ZNF236: variants seen among roughly 807,000 people sequenced by gnomAD.
ZNF236 encodes zinc finger protein 236.
ZNF236 carries 50 observed loss-of-function variants against 191.2 expected under a neutral mutation model. The ratio of observed to expected loss-of-function variants is 0.26; its 90% confidence interval spans 0.21 to 0.33. ZNF236 has a LOEUF of 0.33. ZNF236 is among the 10% of genes least tolerant of loss of function. ZNF236 has a pLI of 1.00. For missense variants in ZNF236, 1,754 were observed against 2,374.5 expected (o/e 0.74, Z 5.43); for synonymous variants, 907 against 928.8 (o/e 0.98, Z 0.43).
At chr18:76,823,041 G>T (rs1974906992) in intron 1 of ZNF236, among the ~76,000 whole-genome samples, 1 of 149,496 alleles carries the variant, frequency 6.7e-6, no homozygotes, top group South Asian at 2.1e-4. Context: ...GGGGCCGGAG[G>T]GCCGCGGGGC....
Position 76,827,240 on chromosome 18 carries a change from C to T in ZNF236, c.55+4578C>T, listed in dbSNP as rs575918516. 1.2e-4 allele frequency among the ~76,000 whole-genome samples: 19 copies of T among 152,086 alleles called. No individual in the cohort carries two copies. In the South Asian group the frequency reaches 3.7e-3, roughly 30 times the overall value. On this transcript the variant is annotated intron_variant, in intron 1 of 30. Coordinates refer to ENST00000320610, the MANE Select transcript of ZNF236 (RefSeq NM_001306089.2). Reference sequence around the variant, plus strand: ...TGCCCTTTTTGCCCAGGCTGGAGTGCAGTGGCTTGATCTCGGCTCACTGCA... The same window carrying T: ...TGCCCTTTTTGCCCAGGCTGGAGTGTAGTGGCTTGATCTCGGCTCACTGCA...
At position 76,959,813 on chromosome 18, in the gene ZNF236, A is replaced by G; in HGVS notation, c.5239A>G (p.Thr1747Ala). The part of the protein sequence containing the change: ...SQLERHSRIH[T>A]GERPFHCTLC... ...GCTGGAGCGCCACAGCCGCATACAT[A>G]CAGGTAACGGGGAAGGACGTGCTTT... Residue 1747 changes from threonine (T) to alanine (A), a missense_variant, in exon 29 of 31, where the codon ACA becomes GCA. Thr to Ala is a moderately conservative substitution (Grantham distance 58). Around this residue, in one of 5 missense-constraint regions of ZNF236, gnomAD observed 606 missense variants for 761.5 expected, o/e 0.80. Coordinates refer to ENST00000320610, the MANE Select transcript of ZNF236 (RefSeq NM_001306089.2). The G allele has an allele frequency of 6.2e-7, 1 of 1,613,632 alleles. No individual in the cohort carries two copies. Among genetic ancestry groups the G allele is most frequent in the Non-Finnish European group, 8.5e-7 (1 of 1,179,784 alleles).
chr18:76,957,970 A>G (rs1968561883), intron 28 of ZNF236, among the ~76,000 whole-genome samples: 1 of 152,242 alleles, frequency 6.6e-6, no homozygotes, highest in Admixed American at 6.5e-5. Flanking sequence ...ACAGCAAAAT[A>G]AACTATCAGC....
At chr18:76,947,447 C>T in intron 26 of ZNF236, 74 bp from the exon 27 acceptor site, 1 of 1,539,366 alleles carries the variant, frequency 6.5e-7, no homozygotes, top group Non-Finnish European at 8.8e-7. Context: ...GTAGCTGCAC[C>T]ATAAAAGATC....
rs775736554 is a variant in ZNF236, at chr18:76,881,493, G to T, written c.1398G>T (p.Lys466Asn). 3 of 1,612,082 alleles carry T rather than the reference G, an allele frequency of 1.9e-6. No homozygotes were observed. Among genetic ancestry groups the T allele is most frequent in the East Asian group, 2.2e-5 (1 of 44,878 alleles). ...LDKKEKKMIKKKSPFLPGSIR... is the reference protein window; with the variant it reads ...LDKKEKKMIKNKSPFLPGSIR... ...AAAAAGAAAAAAAAATGATAAAGAA[G>T]AAGTCACCGTTTCTACCTGGTAATT... is the stretch of plus-strand genomic sequence containing the variant. Residue 466 changes from lysine (K) to asparagine (N), a missense_variant, in exon 9 of 31, where the codon AAG becomes AAT. Around this residue, in one of 5 missense-constraint regions of ZNF236, gnomAD observed 126 missense variants for 110.9 expected, o/e 1.14. Transcript: ENST00000320610.
At chr18:76,915,944 G>C in intron 19 of ZNF236, 85 bp downstream of exon 19, 1 of 1,316,430 alleles carries the variant, frequency 7.6e-7, no homozygotes. Flanking sequence ...TGAGTATTTT[G>C]ACGTGGCTAT....
At chr18:76,846,938 G>A (rs959671825) in intron 1 of ZNF236, among the ~76,000 whole-genome samples, 1 of 152,044 alleles carries the variant, frequency 6.6e-6, no homozygotes, top group Admixed American at 6.5e-5. Flanking sequence ...GGGATTACAG[G>A]CGTGCGCCAT....
intron 11 of ZNF236, among the ~76,000 whole-genome samples, chr18:76,902,744 T>A (rs1977633043): frequency 6.7e-6 from 1 of 148,592 alleles, no homozygotes; most frequent in African/African-American, 2.4e-5. Context: ...GTAATTTTTG[T>A]ATTTTTTGTA....
intron 12 of ZNF236, among the ~76,000 whole-genome samples, 168 bp from the exon 13 acceptor site, chr18:76,904,987 C>CT (rs777634786): frequency 6.6e-6 from 1 of 152,240 alleles, no homozygotes; most frequent in Admixed American, 6.5e-5. Flanking sequence ...CTTAAGCACT[C>CT]TGAGTCTCAG....
chr18:76,892,153 GAA>G (rs1977257691), intron 9 of ZNF236, among the ~76,000 whole-genome samples: 1 of 59,670 alleles, frequency 1.7e-5, no homozygotes, highest in African/African-American at 5.4e-5. Flanking sequence ...TTTTCTTTTT[GAA>G]ATTTTCTTCT....
At chr18:76,907,323 A>G (rs1977770736) in intron 13 of ZNF236, among the ~76,000 whole-genome samples, 1 of 152,184 alleles carries the variant, frequency 6.6e-6, no homozygotes, top group Non-Finnish European at 1.5e-5. Context: ...GAGGCAGAAG[A>G]GGGGACCAGG....
chr18:76,904,254 T>G (rs536689343), intron 11 of ZNF236, 126 bp from the exon 12 acceptor site: 2 of 799,442 alleles, frequency 2.5e-6, no homozygotes, highest in Non-Finnish European at 3.5e-6. Flanking sequence ...TAAAATAACA[T>G]AGTTGCAACA....
intron 25 of ZNF236, among the ~76,000 whole-genome samples, chr18:76,930,582 A>G (rs902877576): frequency 3.3e-5 from 5 of 152,220 alleles, no homozygotes; most frequent in African/African-American, 4.8e-5. Flanking sequence ...TATTGCAGGC[A>G]TGTTAGTGTG....
intron 1 of ZNF236, among the ~76,000 whole-genome samples, chr18:76,825,348 C>T (rs1279710201): frequency 6.6e-6 from 1 of 152,182 alleles, no homozygotes; most frequent in Admixed American, 6.5e-5. Flanking sequence ...AGGTAAATAT[C>T]ATAGACTAAG....
chr18:76,868,849 T>G lies in ZNF236; in HGVS notation c.528T>G (p.Thr176=). The change falls in exon 4 of 31, where the codon ACT becomes ACG. Residue 176 remains threonine (T), a synonymous_variant. Coordinates refer to ENST00000320610, the MANE Select transcript of ZNF236 (RefSeq NM_001306089.2). ...CGGAGCTGAAGGAACACATGAAGAC[T>G]CATTACAAAATTAGGTATGAGTCAT... is the stretch of plus-strand genomic sequence containing the variant. ...TSSELKEHMK[T]HYKIRVSSTR... The G allele has an allele frequency of 6.2e-7, 1 of 1,603,802 alleles. No homozygotes were observed. Among genetic ancestry groups the G allele is most frequent in the Non-Finnish European group, 8.5e-7 (1 of 1,175,638 alleles).
At chr18:76,956,231 A>G in intron 28 of ZNF236, 49 bp downstream of exon 28, 2 of 1,533,762 alleles carry the variant, frequency 1.3e-6, no homozygotes, top group Non-Finnish European at 1.7e-6. Context: ...AGGCGGCTAG[A>G]GATGCGGAGT....
chr18:76,958,113 G>A (rs562834484), intron 28 of ZNF236, among the ~76,000 whole-genome samples: 2 of 152,182 alleles, frequency 1.3e-5, no homozygotes, highest in East Asian at 1.9e-4. Flanking sequence ...GCACAACACC[G>A]CCCCTTCTTA....
intron 1 of ZNF236, among the ~76,000 whole-genome samples, chr18:76,839,441 A>G (rs965019886): frequency 2.6e-5 from 4 of 152,220 alleles, no homozygotes; most frequent in Non-Finnish European, 4.4e-5. Context: ...CATCTTAAAA[A>G]GTATTTTAAA....
intron 13 of ZNF236, among the ~76,000 whole-genome samples, chr18:76,905,632 T>C (rs57513824): frequency 0.031 from 4,768 of 152,264 alleles, 243 homozygotes; most frequent in African/African-American, 0.11. Flanking sequence ...ATTAGCATTT[T>C]CATTTTTAAT....
Sources: gnomAD v4.1 joint callset for allele counts (sites outside exome capture counted in the v4.1 genomes callset) on GRCh38, gnomAD v4.1.1 for gene constraint, gnomAD v4.1.1 regional missense constraint, MANE v1.5 for transcripts, NCBI Gene and HGNC (gene_info 2026-07-23, HGNC 2026-07-21) for gene names.